The following ACE variants were observed in gnomAD, a reference collection of about 807,000 sequenced individuals.
ACE encodes the protein angiotensin I converting enzyme, also known as angiotensin-converting enzyme.
A neutral mutation model predicts 162.3 loss-of-function variants in ACE; 122 were observed. The ratio of observed to expected loss-of-function variants is 0.75; its 90% CI spans 0.65 to 0.87. The LOEUF (loss-of-function observed/expected upper bound fraction) is 0.87, where lower values mean the gene tolerates loss of function less well. Among genes scored for constraint, ACE ranks in the 40% least tolerant of loss-of-function variants. ACE has a pLI of 0.00. For missense variants in ACE, 1,799 were observed against 1,735.1 expected (o/e 1.04, Z -0.65); for synonymous variants, 796 against 720.6 (o/e 1.10, Z -1.68).
At chr17:63,481,531 G>A (rs1416059807) in intron 6 of ACE, 35 bp from the exon 7 acceptor site, 3 of 1,611,636 alleles carry the variant, frequency 1.9e-6, no homozygotes, top group Non-Finnish European at 2.5e-6. Flanking sequence ...GCCAGAGTGG[G>A]CTCCCCCTGA....
rs1205015198 is a variant in ACE at position 63,478,994 on chromosome 17, T to C, written c.418-13T>C. The C allele has an allele frequency of 1.2e-6, 2 of 1,611,168 alleles. No individual in the cohort carries two copies. Among genetic ancestry groups the C allele is most frequent in the Non-Finnish European group, 8.5e-7 (1 of 1,178,248 alleles). ...GCTGGTCACTGGAGCATTCCTCCCC[T>C]CTGACTCCCCAGTACAACGCCCTGC... On this transcript the variant is annotated splice_polypyrimidine_tract_variant and intron_variant, in intron 2 of 24. Transcript: ENST00000290866.
Position 63,496,833 on chromosome 17 carries a change from C to T in ACE, c.3539C>T (p.Pro1180Leu), listed in dbSNP as rs775501006. 45 of 1,612,992 alleles carry T rather than the reference C, an allele frequency of 2.8e-5. No individual in the cohort carries two copies. The highest frequency in any genetic ancestry group is 2.0e-4 in the Admixed American group (12 of 60,008). Residue 1180 changes from proline to leucine, a missense_variant, in exon 24 of 25, where the codon CCG becomes CTG. Transcript: ENST00000290866. Reference protein sequence around the residue: ...AMKLGFSRPWPEAMQLITGQP... With the variant: ...AMKLGFSRPWLEAMQLITGQP... ...AAGCTGGGCTTCAGTAGGCCGTGGC[C>T]GGAAGCCATGCAGCTGATCACGGGC...
chr17:63,480,974 G>A (rs1599139842), intron 5 of ACE, 117 bp from the exon 6 acceptor site: 1 of 975,098 alleles, frequency 1.0e-6, no homozygotes, highest in East Asian at 2.4e-5. Flanking sequence ...AGCCAGGCCT[G>A]CAGCCCTTGA....
At chr17:63,483,598 C>T in intron 10 of ACE, 40 bp downstream of exon 10, 1 of 1,394,586 alleles carries the variant, frequency 7.2e-7, no homozygotes, top group Non-Finnish European at 9.8e-7. Flanking sequence ...AGTACTGTCA[C>T]ACCCTCAATC....
rs753025383 is a variant in ACE, at chr17:63,479,048, C to T, written c.459C>T (p.Thr153=). The T allele has an allele frequency of 1.8e-5, 29 of 1,613,600 alleles. No homozygotes were observed. The highest frequency in any genetic ancestry group is 4.0e-5 in the African/African-American group (3 of 74,852). The change falls in exon 3 of 25, where the codon ACC becomes ACT. Residue 153 remains threonine, a synonymous_variant. Transcript: ENST00000290866. ...LLSNMSRIYS[T]AKVCLPNKTA... ...GCAACATGAGCAGGATCTACTCCAC[C>T]GCCAAGGTCTGCCTCCCCAACAAGA...
At chr17:63,494,322 A>G (rs763827254) in intron 21 of ACE, 50 bp from the exon 22 acceptor site, 1 of 1,572,070 alleles carries the variant, frequency 6.4e-7, no homozygotes, top group East Asian at 2.2e-5. Context: ...TGCCACCCCC[A>G]GCCTGGTTCT....
In ACE at chr17:63,497,270, C is replaced by A; in HGVS notation, c.3825C>A (p.Gly1275=). 1 of 1,562,208 alleles carries A rather than the reference C, an allele frequency of 6.4e-7. No homozygotes were observed. The highest frequency in any genetic ancestry group is 8.7e-7 in the Non-Finnish European group (1 of 1,156,030). ...LGIALLVATL[G]LSQRLFSIRH... ...TCGCCCTGCTGGTAGCCACCCTGGG[C>A]CTCAGCCAGCGGCTCTTCAGCATCC... The change falls in exon 25 of 25, where the codon GGC becomes GGA. Residue 1275 remains glycine, a synonymous_variant. Coordinates refer to ENST00000290866, the MANE Select transcript of ACE (RefSeq NM_000789.4).
At position 63,491,023 on chromosome 17, in the gene ACE, T is replaced by A. The variant is rs779560946; in HGVS notation, c.2711T>A (p.Met904Lys). The A allele has an allele frequency of 1.2e-6, 2 of 1,614,100 alleles. No individual in the cohort carries two copies. Among genetic ancestry groups the A allele is most frequent in the African/African-American group, 1.3e-5 (1 of 74,946 alleles). The change falls in exon 18 of 25, where the codon ATG becomes AAG. Residue 904 changes from methionine (M) to lysine (K), a missense_variant. Coordinates refer to ENST00000290866, the MANE Select transcript of ACE (RefSeq NM_000789.4). This position sits in a 1 kb window ranked among gnomAD's most constrained non-coding sequence, Gnocchi z 4.4. Reference sequence around the variant, plus strand: ...GTGCCCTTCCCTTCAGCCCCCTCGATGGACACCACAGAGGCTATGCTAAAG... The same window carrying A: ...GTGCCCTTCCCTTCAGCCCCCTCGAAGGACACCACAGAGGCTATGCTAAAG... ...LVVPFPSAPS[M>K]DTTEAMLKQG...
chr17:63,485,118 C>T lies in ACE; in HGVS notation c.1922-118C>T, dbSNP rs183756567. 4.5e-5 allele frequency: 69 copies of T among 1,543,398 alleles called. No individual in the cohort carries two copies. In the East Asian group the frequency reaches 8.1e-4, roughly 18 times the overall value. On this transcript the variant is annotated intron_variant, in intron 12 of 24. Coordinates refer to ENST00000290866, the MANE Select transcript of ACE (RefSeq NM_000789.4). Reference sequence around the variant, plus strand: ...GTGCCAGGGGTGGGAGAGGCGGGGCCGGGTAGGGACAGGGCAGGGTACAAG... The same window carrying T: ...GTGCCAGGGGTGGGAGAGGCGGGGCTGGGTAGGGACAGGGCAGGGTACAAG...
chr17:63,479,373 C>T (rs977781622), intron 3 of ACE, among the ~76,000 whole-genome samples: 1 of 152,164 alleles, frequency 6.6e-6, no homozygotes, highest in Non-Finnish European at 1.5e-5. Context: ...CCTGGTTTCC[C>T]CTTTCGTGGG....
Position 63,477,128 on chromosome 17 carries a change from C to A in ACE, c.34C>A (p.Leu12Met), listed in dbSNP as rs2049628222. ...GAASGRRGPG[L>M]LLPLPLLLLL... ...CGCCTCGGGCCGCCGGGGGCCGGGG[C>A]TGCTGCTGCCGCTGCCGCTGCTGTT... The change falls in exon 1 of 25, where the codon CTG (leucine) becomes ATG (methionine). Residue 12 changes from leucine to methionine, a missense_variant. By Grantham distance (15) the Leu-to-Met change is conservative. Transcript: ENST00000290866. The A allele has an allele frequency of 4.3e-6, 6 of 1,409,322 alleles. No individual in the cohort carries two copies. The highest frequency in any genetic ancestry group is 3.7e-6 in the Non-Finnish European group (4 of 1,080,896). 87.3% of individuals were successfully genotyped at this position (1,409,322 alleles called of 1,614,324 possible). A position where few individuals can be genotyped will look rare whatever the true frequency, so the allele number is the denominator to read the frequency against.
chr17:63,493,311 C>T (rs1458178270), intron 19 of ACE, 125 bp from the exon 20 acceptor site: 2 of 891,082 alleles, frequency 2.2e-6, no homozygotes, highest in African/African-American at 1.6e-5. Context: ...CCCCACAGTG[C>T]TGTGTCCCCT....
intron 22 of ACE, among the ~76,000 whole-genome samples, chr17:63,495,605 G>T (rs1215595136): frequency 6.6e-6 from 1 of 152,226 alleles, no homozygotes; most frequent in Non-Finnish European, 1.5e-5. Context: ...TGACACTTAG[G>T]ACAGGGCTCC....
chr17:63,477,394 A>C, intron 1 of ACE, 51 bp downstream of exon 1: 1 of 1,178,998 alleles, frequency 8.5e-7, no homozygotes, highest in South Asian at 4.0e-5. Flanking sequence ...GCGGCCAATC[A>C]CAGCACGCGG....
chr17:63,479,057 C>T lies in ACE; in HGVS notation c.468C>T (p.Val156=). The change falls in exon 3 of 25, where the codon GTC becomes GTT. Residue 156 remains valine, a synonymous_variant. Transcript: ENST00000290866. The stretch of plus-strand genomic sequence containing the variant: ...GCAGGATCTACTCCACCGCCAAGGT[C>T]TGCCTCCCCAACAAGACTGCCACCT... ...NMSRIYSTAK[V]CLPNKTATCW... 6.2e-7 allele frequency: 1 copy of T among 1,613,784 alleles called. No individual in the cohort carries two copies. The highest frequency in any genetic ancestry group is 8.5e-7 in the Non-Finnish European group (1 of 1,179,934).
rs1018632632 is a variant in ACE at position 63,488,949 on chromosome 17, G to A, written c.2458G>A (p.Asp820Asn). The A allele has an allele frequency of 1.1e-5, 18 of 1,614,014 alleles. No individual in the cohort carries two copies. Among genetic ancestry groups the A allele is most frequent in the Non-Finnish European group, 1.4e-5 (17 of 1,180,036 alleles). ...CTGTGTCCCCTCTGTAGGCTATGTA[G>A]ATGCAGGGGACTCGTGGAGGTCTAT... ...NQAARLNGYVDAGDSWRSMYE... is the reference protein window; with the variant it reads ...NQAARLNGYVNAGDSWRSMYE... Residue 820 changes from aspartate to asparagine, a missense_variant, in exon 17 of 25, where the codon GAT becomes AAT. Physicochemically the swap from Asp to Asn is conservative, Grantham distance 23. Coordinates refer to ENST00000290866, the MANE Select transcript of ACE (RefSeq NM_000789.4).
Position 63,491,224 on chromosome 17 carries a change from A to G in ACE, c.2755A>G (p.Arg919Gly). 6.2e-7 allele frequency: 1 copy of G among 1,614,028 alleles called. No homozygotes were observed. Among genetic ancestry groups the G allele is most frequent in the Non-Finnish European group, 8.5e-7 (1 of 1,180,012 alleles). The part of the protein sequence containing the change: ...AMLKQGWTPR[R>G]MFKEADDFFT... ...CTGCTTGCAGGGCTGGACGCCCAGGAGGATGTTTAAGGAGGCTGATGATTT... is the reference window on the plus strand; with the variant it reads ...CTGCTTGCAGGGCTGGACGCCCAGGGGGATGTTTAAGGAGGCTGATGATTT... The change falls in exon 19 of 25, where the codon AGG becomes GGG. Residue 919 changes from arginine to glycine, a missense_variant. Transcript: ENST00000290866. This position sits in a 1 kb window ranked among gnomAD's most constrained non-coding sequence, Gnocchi z 4.4.
chr17:63,478,148 T>C, intron 2 of ACE, 50 bp downstream of exon 2: 1 of 1,547,298 alleles, frequency 6.5e-7, no homozygotes, highest in Non-Finnish European at 8.7e-7. Flanking sequence ...TAGTGCCCCA[T>C]CGTGGGGGTC....
chr17:63,477,166 G>A lies in ACE; in HGVS notation c.72G>A (p.Pro24=), dbSNP rs1378411648. 4 of 1,452,690 alleles carry A rather than the reference G, an allele frequency of 2.8e-6. No individual in the cohort carries two copies. Among genetic ancestry groups the A allele is most frequent in the East Asian group, 3.1e-5 (1 of 32,560 alleles). The allele number at this position is 1,452,690 out of a possible 1,614,324, so 90.0% of individuals were successfully genotyped here. ...TGCCGCTGCTGTTGCTGCTGCCGCCGCAGCCCGCCCTGGCGTTGGACCCCG... is the reference window on the plus strand; with the variant it reads ...TGCCGCTGCTGTTGCTGCTGCCGCCACAGCCCGCCCTGGCGTTGGACCCCG... ...LPLPLLLLLP[P]QPALALDPGL... The change falls in exon 1 of 25, where the codon CCG becomes CCA. Residue 24 remains proline (P), a synonymous_variant. Coordinates refer to ENST00000290866, the MANE Select transcript of ACE (RefSeq NM_000789.4).
Sources: gnomAD v4.1 joint callset for allele counts (sites outside exome capture counted in the v4.1 genomes callset) on GRCh38, gnomAD v4.1.1 for gene constraint, Gnocchi (gnomAD v3.1) non-coding constraint, MANE v1.5 for transcripts, NCBI Gene and HGNC (gene_info 2026-07-23, HGNC 2026-07-21) for gene names.